FIG4: variants seen among roughly 807,000 people sequenced by gnomAD.
FIG4 encodes the protein FIG4 phosphoinositide 5-phosphatase.
Under a neutral mutation model 118.6 loss-of-function variants are expected in FIG4, and 112 were observed. The observed-to-expected ratio is 0.94, with a 90% CI of 0.81 to 1.11. The LOEUF is 1.11. FIG4 is among the 50% of genes least tolerant of loss of function. The probability of loss-of-function intolerance (pLI) is 0.00; values close to 1 mark genes in which losing one functional copy is unlikely to be tolerated. For missense variants in FIG4, 969 were observed against 1,111.7 expected, an observed-to-expected ratio of 0.87 and a Z score of 1.83; for synonymous variants, 369 against 381.2, an observed-to-expected ratio of 0.97 and a Z score of 0.37.
chr6:109,809,298 G>A (rs1318312561), intron 22 of FIG4, among the ~76,000 whole-genome samples: 1 of 152,146 alleles, frequency 6.6e-6, no homozygotes, highest in Non-Finnish European at 1.5e-5. Flanking sequence ...ATATAGAAAA[G>A]ATTCGCAAGC....
intron 22 of FIG4, among the ~76,000 whole-genome samples, chr6:109,806,754 C>G (rs12206439): frequency 0.26 from 38,761 of 151,902 alleles, 5,452 homozygotes; most frequent in East Asian, 0.32. Flanking sequence ...AGGTATTTCT[C>G]TTAATGCTAT....
At chr6:109,722,025 A>G (rs1775627938) in intron 3 of FIG4, among the ~76,000 whole-genome samples, 1 of 152,216 alleles carries the variant, frequency 6.6e-6, no homozygotes, top group Non-Finnish European at 1.5e-5. Flanking sequence ...TCTTGTAAAT[A>G]TTTATTATTT....
At chr6:109,801,658 C>G (rs759526062) in intron 22 of FIG4, among the ~76,000 whole-genome samples, 16 of 152,230 alleles carry the variant, frequency 1.1e-4, no homozygotes, top group Non-Finnish European at 2.1e-4. Context: ...GGTGAATGCC[C>G]CTCGGTGTGG....
chr6:109,736,700 A>G (rs1245974420), intron 6 of FIG4, among the ~76,000 whole-genome samples: 1 of 152,196 alleles, frequency 6.6e-6, no homozygotes, highest in Non-Finnish European at 1.5e-5. Flanking sequence ...ATTCTACTTG[A>G]TAGATATGAA....
At chr6:109,781,628 G>C (rs945711824) in intron 16 of FIG4, among the ~76,000 whole-genome samples, 7 of 151,358 alleles carry the variant, frequency 4.6e-5, no homozygotes, top group African/African-American at 1.5e-4. Flanking sequence ...CTGTCTGTTA[G>C]AACTCCTAAG....
chr6:109,759,434 AACTC>A (rs778137850), intron 10 of FIG4, among the ~76,000 whole-genome samples: 15 of 152,206 alleles, frequency 9.9e-5, no homozygotes, highest in African/African-American at 1.4e-4. Flanking sequence ...AAAGAAAAAA[AACTC>A]ACCATGCTCT....
chr6:109,765,953 G>A (rs903750960), intron 14 of FIG4, among the ~76,000 whole-genome samples: 3 of 152,148 alleles, frequency 2.0e-5, no homozygotes, highest in African/African-American at 7.2e-5. Flanking sequence ...AGAAACACAG[G>A]TTTCAAAAGT....
In FIG4 at chr6:109,765,014, C is replaced by G; in HGVS notation, c.1436C>G (p.Thr479Ser). 6.2e-7 allele frequency: 1 copy of G among 1,613,470 alleles called. No individual in the cohort carries two copies. Among genetic ancestry groups the G allele is most frequent in the East Asian group, 2.2e-5 (1 of 44,872 alleles). The change falls in exon 14 of 23, where the codon ACT becomes AGT. Residue 479 changes from threonine to serine, a missense_variant and splice_region_variant. By Grantham distance (58) the Thr-to-Ser change is moderately conservative (BLOSUM62 1). Coordinates refer to ENST00000230124, the MANE Select transcript of FIG4 (RefSeq NM_014845.6). ...GCVIPTGRLQ[T>S]GILRTNCVDC... ...AAATCTTAAGGTATTTCTCTTTAGA[C>G]TGGCATCCTTCGAACCAACTGTGTG...
At chr6:109,752,894 C>A (rs964490331) in intron 10 of FIG4, among the ~76,000 whole-genome samples, 2 of 151,938 alleles carry the variant, frequency 1.3e-5, no homozygotes, top group African/African-American at 4.8e-5. Context: ...TTTTGGTGTT[C>A]TAGACATGAA....
At chr6:109,791,352 A>G (rs1313951830) in intron 19 of FIG4, 24 bp from the exon 20 acceptor site, 1 of 1,599,036 alleles carries the variant, frequency 6.3e-7, no homozygotes. Context: ...AAGATGCTTC[A>G]CTTCCATATT....
At chr6:109,743,492 A>G (rs946754829) in intron 9 of FIG4, 183 bp from the exon 10 acceptor site, 1 of 663,148 alleles carries the variant, frequency 1.5e-6, no homozygotes, top group African/African-American at 1.8e-5. Flanking sequence ...AAATGTAAGA[A>G]TCATTCAAAT....
Position 109,762,187 on chromosome 6 carries a change from C to A in FIG4, c.1368C>A (p.Ser456Arg). The A allele has an allele frequency of 6.2e-7, 1 of 1,607,316 alleles. No homozygotes were observed. Among genetic ancestry groups the A allele is most frequent in the Non-Finnish European group, 8.5e-7 (1 of 1,173,838 alleles). The change falls in exon 12 of 23, where the codon AGC becomes AGA. Residue 456 changes from serine to arginine, a missense_variant. Ser to Arg is a moderately radical substitution (Grantham distance 110, BLOSUM62 -1). Coordinates refer to ENST00000230124, the MANE Select transcript of FIG4 (RefSeq NM_014845.6). ...FFVNRPDSYC[S>R]ILRPDEKWNE... ...TAAACCGCCCTGATTCTTACTGTAG[C>A]ATTTTGCGGCCAGATGAAAAGTATG...
intron 13 of FIG4, among the ~76,000 whole-genome samples, chr6:109,764,719 A>ATC (rs1777228211): frequency 6.6e-6 from 1 of 152,220 alleles, no homozygotes; most frequent in South Asian, 2.1e-4. Flanking sequence ...GCAAATTGTC[A>ATC]GCTATTTGTT....
chr6:109,756,959 C>G (rs139864186), intron 10 of FIG4, among the ~76,000 whole-genome samples: 3,183 of 152,274 alleles, frequency 0.021, 99 homozygotes, highest in African/African-American at 0.074. Flanking sequence ...CTCCGTCCAG[C>G]TTTGTTCCAT....
chr6:109,824,416 A>T (rs1779099567), intron 22 of FIG4, among the ~76,000 whole-genome samples: 1 of 152,144 alleles, frequency 6.6e-6, no homozygotes, highest in African/African-American at 2.4e-5. Context: ...AGTGGGGGTG[A>T]TTATTGTCAG....
chr6:109,797,682 G>C (rs930472805), intron 22 of FIG4, among the ~76,000 whole-genome samples: 2 of 152,206 alleles, frequency 1.3e-5, no homozygotes, highest in South Asian at 4.1e-4. Context: ...GATCACCTGA[G>C]GTCAGGAGTT....
intron 19 of FIG4, among the ~76,000 whole-genome samples, chr6:109,790,370 C>G (rs184769185): frequency 6.6e-6 from 1 of 152,256 alleles, no homozygotes; most frequent in Non-Finnish European, 1.5e-5. Context: ...ATTTCTGTGG[C>G]TTTTATATGT....
rs544833165 is a variant in FIG4 at position 109,691,548 on chromosome 6, G to T, written c.66+47G>T. The T allele has an allele frequency of 3.1e-5, 46 of 1,485,356 alleles. No individual in the cohort carries two copies. In the East Asian group the frequency reaches 1.1e-3, roughly 35 times the overall value. 92.0% of individuals were successfully genotyped at this position (1,485,356 alleles called of 1,614,324 possible). ...GGCGCAGGCGGGAGGATGGATGTCT[G>T]CCGGTGGGTGTGGGGCCGTAGGACA... On this transcript the variant is annotated intron_variant, in intron 1 of 22. Coordinates refer to ENST00000230124, the MANE Select transcript of FIG4 (RefSeq NM_014845.6).
chr6:109,734,286 A>G (rs1776095881), intron 5 of FIG4, among the ~76,000 whole-genome samples: 1 of 151,626 alleles, frequency 6.6e-6, no homozygotes, highest in Non-Finnish European at 1.5e-5. Flanking sequence ...TGCTAAAAAT[A>G]TATAGCTAGG....
Sources: gnomAD v4.1 joint callset for allele counts (sites outside exome capture counted in the v4.1 genomes callset) on GRCh38, gnomAD v4.1.1 for gene constraint, MANE v1.5 for transcripts, NCBI Gene and HGNC (gene_info 2026-07-23, HGNC 2026-07-21) for gene names.